Variants in ATP11B observed in about 807,000 individuals in gnomAD.
ATP11B encodes the protein ATPase phospholipid transporting 11B (putative), also known as phospholipid-transporting ATPase IF.
In ATP11B, 81 loss-of-function variants were observed where a neutral mutation model predicts 157.8. The ratio of observed to expected loss-of-function variants is 0.51; its 90% CI spans 0.43 to 0.62. ATP11B has a LOEUF of 0.62. Ranked by LOEUF, ATP11B falls within the 20% of genes least tolerant of loss-of-function variation. ATP11B has a pLI of 0.00. For missense variants in ATP11B, 1,165 were observed against 1,402.2 expected (o/e 0.83, Z 2.70); for synonymous variants, 451 against 469.4 (o/e 0.96, Z 0.51).
chr3:182,878,355 C>A (rs1722190817), intron 19 of ATP11B, among the ~76,000 whole-genome samples: 1 of 152,188 alleles, frequency 6.6e-6, no homozygotes, highest in African/African-American at 2.4e-5. Context: ...TCAGCAGAGT[C>A]TGATATTCTG....
intron 25 of ATP11B, among the ~76,000 whole-genome samples, chr3:182,895,893 C>G (rs73177351): frequency 0.024 from 3,728 of 152,170 alleles, 64 homozygotes; most frequent in Non-Finnish European, 0.034. Flanking sequence ...CAGCAAGATA[C>G]GATAGGGCTC....
intron 29 of ATP11B, chr3:182,916,156 C>T (rs1725128815): frequency 2.0e-6 from 2 of 985,202 alleles, no homozygotes; most frequent in Non-Finnish European, 2.4e-6. Context: ...CATTTTGATA[C>T]ATAGAGTTCT....
At chr3:182,825,572 A>C (rs1298889463) in intron 2 of ATP11B, among the ~76,000 whole-genome samples, 2 of 152,040 alleles carry the variant, frequency 1.3e-5, no homozygotes, top group Non-Finnish European at 2.9e-5. Context: ...AATACAAAAA[A>C]ATTAGCCAGG....
At chr3:182,845,774 G>A (rs1719466825) in intron 9 of ATP11B, among the ~76,000 whole-genome samples, 1 of 152,138 alleles carries the variant, frequency 6.6e-6, no homozygotes. Flanking sequence ...GAAACTGAGT[G>A]CAGATAATTT....
In ATP11B at chr3:182,875,046, A is replaced by T. The variant is rs1721930683; in HGVS notation, c.2252+1031A>T. ...GTTCAAGATTATTTCATAAGAATTT[A>T]TACTCTAAATTCTGTCTTTTTTGTA... On this transcript the variant is annotated intron_variant, in intron 19 of 29. Coordinates refer to ENST00000323116, the MANE Select transcript of ATP11B (RefSeq NM_014616.3). 2.0e-5 allele frequency among the ~76,000 whole-genome samples: 3 copies of T among 152,174 alleles called. No homozygotes were observed. The South Asian group carries it at 6.2e-4, about 31-fold the overall frequency.
intron 21 of ATP11B, among the ~76,000 whole-genome samples, chr3:182,883,954 CA>C (rs1170838231): frequency 0.27 from 17,188 of 62,842 alleles, 1,071 homozygotes; most frequent in African/African-American, 0.38. Flanking sequence ...GACTCCGTCT[CA>C]AAAAAAAAAA....
intron 28 of ATP11B, among the ~76,000 whole-genome samples, chr3:182,909,969 CATG>C: frequency 6.8e-6 from 1 of 147,612 alleles, no homozygotes; most frequent in Non-Finnish European, 1.5e-5. Context: ...GAGGCTGAGT[CATG>C]AGAATTGCTT....
chr3:182,911,337 C>T (rs973077916), intron 28 of ATP11B, among the ~76,000 whole-genome samples: 1 of 142,142 alleles, frequency 7.0e-6, no homozygotes, highest in Non-Finnish European at 1.5e-5. Flanking sequence ...TCTTCATGCC[C>T]TCCCACCAGT....
chr3:182,901,351 A>C (rs935718324), intron 28 of ATP11B, among the ~76,000 whole-genome samples: 10 of 151,452 alleles, frequency 6.6e-5, no homozygotes, highest in South Asian at 2.1e-4. Flanking sequence ...AAAAAAAAAA[A>C]AACAAAAAAA....
At chr3:182,832,459 C>A (rs1167531419) in intron 4 of ATP11B, among the ~76,000 whole-genome samples, 1 of 152,150 alleles carries the variant, frequency 6.6e-6, no homozygotes, top group East Asian at 1.9e-4. Context: ...CAGAATACTT[C>A]CATATATTGT....
At chr3:182,890,908 T>G (rs1243919249) in intron 25 of ATP11B, among the ~76,000 whole-genome samples, 1 of 152,226 alleles carries the variant, frequency 6.6e-6, no homozygotes, top group Non-Finnish European at 1.5e-5. Context: ...CTTTAAAACC[T>G]ACATGCCTTT....
At chr3:182,822,092 A>C (rs1224848704) in intron 2 of ATP11B, among the ~76,000 whole-genome samples, 2 of 151,768 alleles carry the variant, frequency 1.3e-5, no homozygotes, top group African/African-American at 4.8e-5. Flanking sequence ...GATGAGCTTT[A>C]GATTAGTGAC....
At chr3:182,878,575 C>T (rs1701311953) in intron 19 of ATP11B, among the ~76,000 whole-genome samples, 2 of 152,228 alleles carry the variant, frequency 1.3e-5, no homozygotes, top group South Asian at 4.2e-4. Context: ...CTGGTGTAGG[C>T]TCCTTATCTC....
intron 25 of ATP11B, among the ~76,000 whole-genome samples, chr3:182,893,620 T>G (rs1723323692): frequency 6.6e-6 from 1 of 152,208 alleles, no homozygotes; most frequent in Non-Finnish European, 1.5e-5. Context: ...GGTTCCCTAT[T>G]TTTGCAATTG....
At chr3:182,890,926 A>G (rs1723130190) in intron 25 of ATP11B, among the ~76,000 whole-genome samples, 1 of 152,222 alleles carries the variant, frequency 6.6e-6, no homozygotes, top group African/African-American at 2.4e-5. Flanking sequence ...TTTAGGAGAT[A>G]TACCTAATGT....
In ATP11B at chr3:182,913,868, A is replaced by G. The variant is rs2108597706; in HGVS notation, c.3326A>G (p.Glu1109Gly). 6.2e-7 allele frequency: 1 copy of G among 1,614,134 alleles called. No homozygotes were observed. Among genetic ancestry groups the G allele is most frequent in the East Asian group, 2.2e-5 (1 of 44,888 alleles). Residue 1109 changes from glutamate to glycine, a missense_variant, in exon 29 of 30, where the codon GAA becomes GGA. Physicochemically the swap from Glu to Gly is moderately conservative, Grantham distance 98. This residue lies in a region of ATP11B where 303 missense variants were observed against 296.3 expected (regional missense o/e 1.02). Transcript: ENST00000323116. ...PTSTEKAQLT[E>G]TNAGIKCLDS... ...CTGCTTCACCTCCCGCAGCTTACTG[A>G]AACAAATGCAGGTATCAAGTGCTTG...
intron 1 of ATP11B, among the ~76,000 whole-genome samples, chr3:182,811,669 C>T (rs1429466921): frequency 6.6e-6 from 1 of 152,114 alleles, no homozygotes; most frequent in Non-Finnish European, 1.5e-5. Flanking sequence ...ATAGAAAAGC[C>T]TGTAGAACAC....
In ATP11B at chr3:182,872,517, A is replaced by T. The variant is rs1721739608; in HGVS notation, c.2028A>T (p.Gly676=). 1 of 1,611,886 alleles carries T rather than the reference A, an allele frequency of 6.2e-7. No individual in the cohort carries two copies. The highest frequency in any genetic ancestry group is 1.3e-5 in the African/African-American group (1 of 74,744). Reference sequence around the variant, plus strand: ...TAGAGAAAGACCTGATATTACTTGGAGCCACAGCAGTAGAAGACAGGTAAG... The same window carrying T: ...TAGAGAAAGACCTGATATTACTTGGTGCCACAGCAGTAGAAGACAGGTAAG... ...QFIEKDLILL[G]ATAVEDRLQD... The change falls in exon 18 of 30, where the codon GGA becomes GGT. Residue 676 remains glycine, a synonymous_variant. Coordinates refer to ENST00000323116, the MANE Select transcript of ATP11B (RefSeq NM_014616.3).
At chr3:182,842,781 T>C (rs954039660) in intron 8 of ATP11B, among the ~76,000 whole-genome samples, 2 of 152,194 alleles carry the variant, frequency 1.3e-5, no homozygotes, top group African/African-American at 4.8e-5. Flanking sequence ...AACTAATGTA[T>C]GTATCATAAC....
Sources: gnomAD v4.1 joint callset for allele counts (sites outside exome capture counted in the v4.1 genomes callset) on GRCh38, gnomAD v4.1.1 for gene constraint, gnomAD v4.1.1 regional missense constraint, MANE v1.5 for transcripts, NCBI Gene and HGNC (gene_info 2026-07-23, HGNC 2026-07-21) for gene names.